PLXDC2: variants seen among roughly 807,000 people sequenced by gnomAD.
PLXDC2 encodes plexin domain-containing protein 2.
PLXDC2 carries 40 observed loss-of-function variants against 68.9 expected under a neutral mutation model. The ratio of observed to expected loss-of-function variants is 0.58; its 90% confidence interval spans 0.45 to 0.76. PLXDC2 has a LOEUF of 0.76. Ranked by LOEUF, PLXDC2 falls within the 30% of genes least tolerant of loss-of-function variation. The probability of loss-of-function intolerance (pLI) is 0.00; values close to 1 mark genes in which losing one functional copy is unlikely to be tolerated. For synonymous variants in PLXDC2, 243 were observed against 234.2 expected (o/e 1.04, Z -0.34); for missense variants, 644 against 661.9 (o/e 0.97, Z 0.30).
At chr10:20,067,385 A>G (rs1201903298) in intron 3 of PLXDC2, among the ~76,000 whole-genome samples, 2 of 152,164 alleles carry the variant, frequency 1.3e-5, no homozygotes, top group African/African-American at 2.4e-5. Flanking sequence ...TATTTGAAAC[A>G]TGAAAATGTC....
Position 20,210,856 on chromosome 10 carries a change from A to G in PLXDC2, c.1062-813A>G, listed in dbSNP as rs562346437. 3.3e-5 allele frequency among the ~76,000 whole-genome samples: 5 copies of G among 152,294 alleles called. No homozygotes were observed. The South Asian group carries it at 1.0e-3, about 32-fold the overall frequency. ...AATACACAACAAGTACTGCTAATCA[A>G]GGAAGCTCACCCAAGCTTGGTCTCC... is the stretch of plus-strand genomic sequence containing the variant. On this transcript the variant is annotated intron_variant, in intron 9 of 13. Coordinates refer to ENST00000377252, the MANE Select transcript of PLXDC2 (RefSeq NM_032812.9).
chr10:19,905,272 G>A (rs16919530), intron 1 of PLXDC2, among the ~76,000 whole-genome samples: 16,194 of 152,266 alleles, frequency 0.11, 863 homozygotes, highest in South Asian at 0.13. Flanking sequence ...CAAAACGATA[G>A]TCAGTGGACA....
chr10:19,869,133 A>C (rs1837483668), intron 1 of PLXDC2, among the ~76,000 whole-genome samples: 1 of 152,090 alleles, frequency 6.6e-6, no homozygotes. Context: ...GCGGTGGCTC[A>C]TGACTGTAAT....
At position 20,230,477 on chromosome 10, in the gene PLXDC2, C is replaced by T. The variant is rs192815288; in HGVS notation, c.1312+11375C>T. 4.6e-5 allele frequency among the ~76,000 whole-genome samples: 7 copies of T among 152,006 alleles called. No homozygotes were observed. The East Asian group carries it at 1.4e-3, about 30-fold the overall frequency. On this transcript the variant is annotated intron_variant, in intron 12 of 13. Transcript: ENST00000377252. ...TTGGTCCCAGGAGTTTGAGACCAGC[C>T]TGGGCACCATGGTGAAACCCCATCT...
intron 4 of PLXDC2, among the ~76,000 whole-genome samples, chr10:20,136,657 A>T (rs917008142): frequency 2.0e-5 from 3 of 152,256 alleles, no homozygotes; most frequent in African/African-American, 7.2e-5. Flanking sequence ...ATTAATATGT[A>T]GAGATAACAG....
At chr10:19,997,678 A>G (rs1834864534) in intron 1 of PLXDC2, among the ~76,000 whole-genome samples, 1 of 152,156 alleles carries the variant, frequency 6.6e-6, no homozygotes, top group African/African-American at 2.4e-5. Flanking sequence ...TTTTGCTTTT[A>G]TATTATATTA....
At chr10:20,141,054 T>C (rs1834000877) in intron 4 of PLXDC2, among the ~76,000 whole-genome samples, 1 of 152,108 alleles carries the variant, frequency 6.6e-6, no homozygotes, top group Non-Finnish European at 1.5e-5. Flanking sequence ...AAAAACCATA[T>C]CTATGGCTTT....
chr10:20,025,215 G>C (rs1279141863), intron 2 of PLXDC2, among the ~76,000 whole-genome samples: 1 of 151,614 alleles, frequency 6.6e-6, no homozygotes, highest in Non-Finnish European at 1.5e-5. Flanking sequence ...CACCAACAGA[G>C]TATAAGGGCT....
intron 1 of PLXDC2, among the ~76,000 whole-genome samples, chr10:19,975,161 AAC>A (rs1460509133): frequency 2.6e-5 from 4 of 152,170 alleles, no homozygotes; most frequent in African/African-American, 9.7e-5. Context: ...TATCTCTTAA[AAC>A]ACAGCAGAAG....
At position 20,211,733 on chromosome 10, in the gene PLXDC2, C is replaced by G; in HGVS notation, c.1122+4C>G. 6.2e-7 allele frequency: 1 copy of G among 1,612,528 alleles called. No individual in the cohort carries two copies. The highest frequency in any genetic ancestry group is 8.5e-7 in the Non-Finnish European group (1 of 1,178,916). ...GGACAGTGGATGCCCTGAAGAGGTA[C>G]ACATGCTTTATTGTGACAGAATCCT... On this transcript the variant is annotated splice_donor_region_variant and intron_variant, in intron 10 of 13. Transcript: ENST00000377252.
At chr10:19,892,775 G>A (rs535582451) in intron 1 of PLXDC2, among the ~76,000 whole-genome samples, 9 of 152,210 alleles carry the variant, frequency 5.9e-5, no homozygotes, top group African/African-American at 2.2e-4. Flanking sequence ...ATGTTTTGAT[G>A]TTCTCTGCTG....
intron 9 of PLXDC2, among the ~76,000 whole-genome samples, chr10:20,182,448 T>C (rs917890360): frequency 6.6e-6 from 1 of 152,042 alleles, no homozygotes; most frequent in Non-Finnish European, 1.5e-5. Flanking sequence ...TTTGGTCCTT[T>C]TAATAGCTGA....
At chr10:20,259,869 C>T (rs1835787494) in intron 13 of PLXDC2, among the ~76,000 whole-genome samples, 1 of 152,064 alleles carries the variant, frequency 6.6e-6, no homozygotes, top group Admixed American at 6.6e-5. Context: ...CAGTGGCCCA[C>T]ACTAGGAGAA....
chr10:19,936,233 A>C (rs937310373), intron 1 of PLXDC2, among the ~76,000 whole-genome samples: 1 of 152,210 alleles, frequency 6.6e-6, no homozygotes, highest in Non-Finnish European at 1.5e-5. Flanking sequence ...TCTGCTCTGG[A>C]AACTCCCCAC....
intron 1 of PLXDC2, among the ~76,000 whole-genome samples, chr10:19,938,619 C>A (rs994934170): frequency 3.8e-4 from 58 of 152,260 alleles, no homozygotes; most frequent in Admixed American, 7.8e-4. Flanking sequence ...CACCTCCCAC[C>A]AGGTCCTACC....
intron 1 of PLXDC2, among the ~76,000 whole-genome samples, chr10:19,949,629 A>G (rs1833961905): frequency 6.6e-6 from 1 of 152,216 alleles, no homozygotes; most frequent in African/African-American, 2.4e-5. Context: ...CTTAATATAT[A>G]CTGATTTGCT....
chr10:20,018,448 A>G (rs1589588960), intron 2 of PLXDC2, among the ~76,000 whole-genome samples: 1 of 152,242 alleles, frequency 6.6e-6, no homozygotes, highest in African/African-American at 2.4e-5. Context: ...CATTAAAAAT[A>G]AGAAATGGAA....
chr10:20,056,260 ATCC>A (rs1299755112), intron 3 of PLXDC2, among the ~76,000 whole-genome samples: 1 of 152,200 alleles, frequency 6.6e-6, no homozygotes, highest in Admixed American at 6.6e-5. Context: ...CTAGAGGTTA[ATCC>A]CCTTTGTCCC....
intron 7 of PLXDC2, among the ~76,000 whole-genome samples, chr10:20,173,663 A>G (rs560790011): frequency 1.3e-5 from 2 of 152,312 alleles, no homozygotes; most frequent in Admixed American, 1.3e-4. Flanking sequence ...ATGGGTGAGT[A>G]TTGATCTATT....
Sources: allele counts gnomAD v4.1 joint callset (sites outside exome capture counted in the v4.1 genomes callset), GRCh38; gene constraint gnomAD v4.1.1; transcripts MANE v1.5; gene names NCBI Gene and HGNC (gene_info 2026-07-23, HGNC 2026-07-21).